Variants in DDAH1 observed in about 807,000 individuals in gnomAD.
The protein encoded by DDAH1 is N(G),N(G)-dimethylarginine dimethylaminohydrolase 1.
DDAH1 carries 19 observed loss-of-function variants against 28.8 expected under a neutral mutation model. The observed-to-expected ratio is 0.66, with a 90% CI of 0.46 to 0.97. DDAH1 has a LOEUF of 0.97. Among genes scored for constraint, DDAH1 ranks in the 50% least tolerant of loss-of-function variants. The probability of loss-of-function intolerance (pLI) is 0.00; values close to 1 mark genes in which losing one functional copy is unlikely to be tolerated. For synonymous variants in DDAH1, 153 were observed against 154.4 expected (o/e 0.99, Z 0.07); for missense variants, 326 against 375.9 (o/e 0.87, Z 1.10).
chr1:85,427,763 G>A (rs1350643395), intron 1 of DDAH1, among the ~76,000 whole-genome samples: 1 of 152,144 alleles, frequency 6.6e-6, no homozygotes, highest in Non-Finnish European at 1.5e-5. Context: ...TGCATTAGGA[G>A]CCCCTGATAT....
chr1:85,413,869 G>A (rs1246568089), intron 1 of DDAH1, among the ~76,000 whole-genome samples: 1 of 152,092 alleles, frequency 6.6e-6, no homozygotes, highest in African/African-American at 2.4e-5. Flanking sequence ...TAAGTCTTTG[G>A]GTAGCTACAG....
chr1:85,531,964 A>T (rs1658107893), intron 1 of DDAH1, among the ~76,000 whole-genome samples: 1 of 152,246 alleles, frequency 6.6e-6, no homozygotes, highest in East Asian at 1.9e-4. Flanking sequence ...AACCATGTTT[A>T]AACCAAGACT....
At chr1:85,407,034 TTTTG>T (rs1243333392) in intron 1 of DDAH1, among the ~76,000 whole-genome samples, 2 of 152,134 alleles carry the variant, frequency 1.3e-5, no homozygotes, top group Non-Finnish European at 2.9e-5. Context: ...CTCCTTGAGT[TTTTG>T]TTTTTCATGT....
chr1:85,441,042 G>A (rs1654167248), intron 1 of DDAH1, among the ~76,000 whole-genome samples: 1 of 152,246 alleles, frequency 6.6e-6, no homozygotes, highest in African/African-American at 2.4e-5. Flanking sequence ...TGTCAGCCCT[G>A]CAGATAAATG....
intron 1 of DDAH1, among the ~76,000 whole-genome samples, chr1:85,436,521 A>ATATATGCT (rs764928519): frequency 1.8e-4 from 28 of 152,338 alleles, no homozygotes; most frequent in Non-Finnish European, 4.0e-4. Context: ...ATGTGAAAAC[A>ATATATGCT]TATATGCTAT....
chr1:85,394,582 C>T (rs186468688), intron 1 of DDAH1, among the ~76,000 whole-genome samples: 39 of 152,304 alleles, frequency 2.6e-4, no homozygotes, highest in African/African-American at 8.7e-4. Context: ...AGTGTGTCTT[C>T]TGACCAACAA....
chr1:85,394,231 T>G lies in DDAH1; in HGVS notation c.304-35384A>C, dbSNP rs1189506626. 2.0e-5 allele frequency among the ~76,000 whole-genome samples: 3 copies of G among 152,320 alleles called. No individual in the cohort carries two copies. In the South Asian group the frequency reaches 6.2e-4, roughly 32 times the overall value. On this transcript the variant is annotated intron_variant, in intron 1 of 5. Coordinates refer to ENST00000284031, the MANE Select transcript of DDAH1 (RefSeq NM_012137.4). ...TAATGTCTTTCTCATGAGACTAGGT[T>G]AATTCCACAAGACTGGATTAGTTCT...
chr1:85,562,287 T>C (rs1394631804), intron 1 of DDAH1, among the ~76,000 whole-genome samples: 1 of 152,224 alleles, frequency 6.6e-6, no homozygotes, highest in Non-Finnish European at 1.5e-5. Flanking sequence ...ATGACTATCA[T>C]AAATACTTGA....
chr1:85,324,388 C>G lies in DDAH1; in HGVS notation c.741+352G>C, dbSNP rs532015603. 3.9e-4 allele frequency among the ~76,000 whole-genome samples: 60 copies of G among 152,068 alleles called. No homozygotes were observed. In the South Asian group the frequency reaches 0.012, roughly 32 times the overall value. ...GTCAGAAAACAGCGATACCGTTGAC[C>G]ATCTAATTGTAGGTCTTTATGCTTA... On this transcript the variant is annotated intron_variant, in intron 5 of 5. Coordinates refer to ENST00000284031, the MANE Select transcript of DDAH1 (RefSeq NM_012137.4).
Position 85,462,597 on chromosome 1 carries a change from TTCA to T in DDAH1, c.303+2143_303+2145del, listed in dbSNP as rs796622260. Reference sequence around the variant, plus strand: ...ACTATCTTCTTGTATTAGCATTTCATTCATCATTCATTCATTCATCCACTCACT... The same window carrying T: ...ACTATCTTCTTGTATTAGCATTTCATTCATTCATTCATTCATCCACTCACT... On this transcript the variant is annotated intron_variant, in intron 1 of 5. Coordinates refer to ENST00000284031, the MANE Select transcript of DDAH1 (RefSeq NM_012137.4). Among the ~76,000 whole-genome samples the T allele has an allele frequency of 1.6e-3, 5 of 3,124 alleles. No homozygotes were observed. In the Admixed American group the frequency reaches 0.036, roughly 23 times the overall value. 2.0% of individuals were successfully genotyped at this position (3,124 alleles called of 152,430 possible).
At chr1:85,529,291 G>A (rs555219283) in intron 1 of DDAH1, among the ~76,000 whole-genome samples, 8 of 152,068 alleles carry the variant, frequency 5.3e-5, no homozygotes, top group Non-Finnish European at 8.8e-5. Context: ...AACTTAACAC[G>A]TATGGTTTAT....
chr1:85,406,650 C>T (rs1652419539), intron 1 of DDAH1, among the ~76,000 whole-genome samples: 1 of 152,100 alleles, frequency 6.6e-6, no homozygotes, highest in Non-Finnish European at 1.5e-5. Flanking sequence ...TGTGGAATGG[C>T]TGAATCAGGC....
intron 1 of DDAH1, among the ~76,000 whole-genome samples, chr1:85,453,857 A>G (rs894420189): frequency 1.3e-5 from 2 of 152,242 alleles, no homozygotes; most frequent in African/African-American, 4.8e-5. Context: ...GATCTCTTTT[A>G]GGCCTTTAGC....
chr1:85,324,301 A>AT (rs1647230879), intron 5 of DDAH1, among the ~76,000 whole-genome samples: 1 of 146,902 alleles, frequency 6.8e-6, no homozygotes, highest in African/African-American at 2.5e-5. Context: ...AATAATAATA[A>AT]ATAAAAAAAT....
At chr1:85,493,045 A>C (rs1401913169) in intron 2 of DDAH1, among the ~76,000 whole-genome samples, 1 of 152,084 alleles carries the variant, frequency 6.6e-6, no homozygotes, top group East Asian at 1.9e-4. Context: ...CTTCATTAAA[A>C]AATATTTAAA....
At chr1:85,407,500 A>G (rs1652460132) in intron 1 of DDAH1, among the ~76,000 whole-genome samples, 1 of 152,234 alleles carries the variant, frequency 6.6e-6, no homozygotes, top group Admixed American at 6.5e-5. Flanking sequence ...GCATCTGGAA[A>G]CACACTTGAA....
rs185071111 is a variant in DDAH1 at position 85,559,030 on chromosome 1, A to G, written c.-123+18954T>C. ...TTCTAAACTGGTAGTGGAAGTATAA[A>G]CTGGAAAGCAGTTTGACATTATATA... On this transcript the variant is annotated intron_variant, in intron 1 of 6. Transcript: ENST00000426972. 3.0e-3 allele frequency among the ~76,000 whole-genome samples: 461 copies of G among 152,348 alleles called. 5 individuals carry two copies. In the South Asian group the frequency reaches 0.034, roughly 11 times the overall value.
intron 2 of DDAH1, among the ~76,000 whole-genome samples, chr1:85,483,798 T>A (rs1277000119): frequency 2.0e-5 from 3 of 152,134 alleles, no homozygotes; most frequent in Non-Finnish European, 4.4e-5. Context: ...GAAAGATGCA[T>A]CTTCTGTTAT....
chr1:85,550,640 G>C (rs892898570), intron 1 of DDAH1, among the ~76,000 whole-genome samples: 3 of 152,082 alleles, frequency 2.0e-5, no homozygotes, highest in Admixed American at 6.6e-5. Context: ...TGGGTGTTAG[G>C]GGGTAAAATT....
Sources: allele counts gnomAD v4.1 joint callset (sites outside exome capture counted in the v4.1 genomes callset), GRCh38; gene constraint gnomAD v4.1.1; transcripts MANE v1.5; gene names NCBI Gene and HGNC (gene_info 2026-07-23, HGNC 2026-07-21).